Variants in RUFY3 observed in about 807,000 individuals in gnomAD.
RUFY3 encodes RUN and FYVE domain containing 3.
Under a neutral mutation model 84.0 loss-of-function variants are expected in RUFY3, and 34 were observed. The observed-to-expected ratio is 0.40, with a 90% confidence interval of 0.31 to 0.54. The LOEUF (loss-of-function observed/expected upper bound fraction) is 0.54. RUFY3 is among the 20% of genes least tolerant of loss of function. The pLI is 0.39. For missense variants in RUFY3, 507 were observed against 736.8 expected (o/e 0.69, Z 3.61); for synonymous variants, 242 against 252.9 (o/e 0.96, Z 0.41).
At chr4:70,709,870 T>C (rs115554240) in intron 1 of RUFY3, among the ~76,000 whole-genome samples, 122 of 152,320 alleles carry the variant, frequency 8.0e-4, no homozygotes, top group African/African-American at 2.8e-3. Flanking sequence ...TAAGGCAGTG[T>C]CCAAAAAAGT....
intron 14 of RUFY3, among the ~76,000 whole-genome samples, chr4:70,798,273 G>A (rs977011766): frequency 2.6e-5 from 4 of 152,136 alleles, no homozygotes; most frequent in African/African-American, 9.7e-5. Flanking sequence ...GGAGGCTGAG[G>A]TAGGAGGATC....
At chr4:70,778,682 C>T (rs963612007) in intron 8 of RUFY3, among the ~76,000 whole-genome samples, 5 of 148,958 alleles carry the variant, frequency 3.4e-5, no homozygotes, top group East Asian at 2.0e-4. Context: ...CAAGTTCAAG[C>T]GATGCTCCTG....
At chr4:70,708,013 C>T (rs1244151811) in intron 1 of RUFY3, among the ~76,000 whole-genome samples, 2 of 152,142 alleles carry the variant, frequency 1.3e-5, no homozygotes, top group Non-Finnish European at 2.9e-5. Flanking sequence ...AATCCCAGCC[C>T]TTTGGGAGAC....
chr4:70,776,774 T>TCAAAA (rs141540692), intron 7 of RUFY3, among the ~76,000 whole-genome samples: 4 of 152,084 alleles, frequency 2.6e-5, no homozygotes, highest in South Asian at 2.1e-4. Context: ...AGACTCCGTC[T>TCAAAA]CAAAACAAAA....
upstream of RUFY3, among the ~76,000 whole-genome samples, chr4:70,717,278 C>T (rs914953707): frequency 2.0e-4 from 30 of 152,108 alleles, no homozygotes; most frequent in Admixed American, 7.2e-4. Flanking sequence ...ATGTGTCCAA[C>T]TAGTATGTAA....
At position 70,799,749 on chromosome 4, in the gene RUFY3, A is replaced by T. The variant is rs76146532; in HGVS notation, c.1558-392A>T. The T allele has an allele frequency of 8.6e-3, 1,423 of 166,252 alleles. 19 individuals are homozygous for T. Among genetic ancestry groups the T allele is most frequent in the African/African-American group, 0.032 (1,354 of 41,666 alleles). 10.3% of individuals were successfully genotyped at this position (166,252 alleles called of 1,614,324 possible). On this transcript the variant is annotated intron_variant, in intron 14 of 17. Coordinates refer to ENST00000381006, the MANE Select transcript of RUFY3 (RefSeq NM_001037442.4). Reference sequence around the variant, plus strand: ...GGCATCAACTTGATTGAACGTCCAGAGGATTATAGTCTGCTGTATATGGCC... The same window carrying T: ...GGCATCAACTTGATTGAACGTCCAGTGGATTATAGTCTGCTGTATATGGCC...
intron 1 of RUFY3, chr4:70,741,532 T>G: frequency 9.9e-7 from 1 of 1,014,718 alleles, no homozygotes; most frequent in East Asian, 2.8e-5. Context: ...CCCTTTCAGT[T>G]ATCCCTTTGG....
chr4:70,754,049 A>AT (rs763659188), intron 1 of RUFY3, among the ~76,000 whole-genome samples: 2,566 of 142,836 alleles, frequency 0.018, 81 homozygotes, highest in African/African-American at 0.054. Context: ...TTTATGGTTA[A>AT]TTTTTTTTTT....
At chr4:70,734,499 A>G (rs1719960076) in intron 1 of RUFY3, 4 of 985,284 alleles carry the variant, frequency 4.1e-6, no homozygotes, top group Non-Finnish European at 4.8e-6. Flanking sequence ...CTTTTAATAC[A>G]GTCTCAGAAG....
chr4:70,728,164 A>G (rs1481099008), intron 1 of RUFY3, among the ~76,000 whole-genome samples: 1 of 152,248 alleles, frequency 6.6e-6, no homozygotes, highest in African/African-American at 2.4e-5. Flanking sequence ...ACTGAACTTA[A>G]TAGCTTAAGT....
At chr4:70,771,082 G>A (rs1385787322) in intron 5 of RUFY3, among the ~76,000 whole-genome samples, 1 of 152,076 alleles carries the variant, frequency 6.6e-6, no homozygotes, top group Admixed American at 6.6e-5. Context: ...AATTTTGATA[G>A]TAACATCAAA....
chr4:70,768,772 A>G, intron 5 of RUFY3, 111 bp downstream of exon 5: 1 of 1,005,368 alleles, frequency 9.9e-7, no homozygotes. Flanking sequence ...TGAGTCATAA[A>G]CAGGATTTCC....
chr4:70,760,770 T>C lies in RUFY3; in HGVS notation c.179-1749T>C, dbSNP rs111489907. ...CATTTAAACTATGGCCCTAAAACAT[T>C]TGTTGTTATGCAAGAAAGAATTAAT... On this transcript the variant is annotated intron_variant, in intron 1 of 17. Coordinates refer to ENST00000381006, the MANE Select transcript of RUFY3 (RefSeq NM_001037442.4). 3.6e-3 allele frequency among the ~76,000 whole-genome samples: 543 copies of C among 152,302 alleles called. 2 individuals carry two copies. The highest frequency in any genetic ancestry group is 0.013 in the African/African-American group (525 of 41,574).
chr4:70,759,674 CACCAGCATTTTTT>C (rs928984719), intron 1 of RUFY3, among the ~76,000 whole-genome samples: 2 of 152,172 alleles, frequency 1.3e-5, no homozygotes, highest in African/African-American at 4.8e-5. Context: ...TCTGCATCCA[CACCAGCATTTTTT>C]ATTTTTTGTC....
intron 1 of RUFY3, among the ~76,000 whole-genome samples, chr4:70,737,759 C>T (rs1305890979): frequency 6.7e-6 from 1 of 149,658 alleles, no homozygotes; most frequent in East Asian, 2.0e-4. Flanking sequence ...TCACTGCAAT[C>T]TCCACCTGGA....
At chr4:70,756,124 G>C (rs1723978031) in intron 1 of RUFY3, among the ~76,000 whole-genome samples, 1 of 152,090 alleles carries the variant, frequency 6.6e-6, no homozygotes, top group African/African-American at 2.4e-5. Context: ...AAATAGGGAA[G>C]TTACTCTCCA....
intron 10 of RUFY3, among the ~76,000 whole-genome samples, chr4:70,785,767 C>T (rs537814809): frequency 3.3e-5 from 5 of 151,984 alleles, no homozygotes; most frequent in Non-Finnish European, 5.9e-5. Flanking sequence ...ACCTGGGAAG[C>T]GGAGGCTGCA....
At chr4:70,798,431 G>A (rs1039091366) in intron 14 of RUFY3, among the ~76,000 whole-genome samples, 3 of 152,018 alleles carry the variant, frequency 2.0e-5, no homozygotes, top group South Asian at 2.1e-4. Flanking sequence ...AGTCGAAGGC[G>A]GGCAGCAGTC....
intron 1 of RUFY3, among the ~76,000 whole-genome samples, chr4:70,747,875 C>T (rs1031908850): frequency 6.6e-6 from 1 of 152,146 alleles, no homozygotes; most frequent in African/African-American, 2.4e-5. Context: ...AGAATCCTTC[C>T]ACATAAATAT....
Sources: gnomAD v4.1 joint callset for allele counts (sites outside exome capture counted in the v4.1 genomes callset) on GRCh38, gnomAD v4.1.1 for gene constraint, MANE v1.5 for transcripts, NCBI Gene and HGNC (gene_info 2026-07-23, HGNC 2026-07-21) for gene names.